Variants in SERPINI1 observed in about 807,000 individuals in gnomAD.
SERPINI1 encodes serpin family I member 1.
In SERPINI1, 19 loss-of-function variants were observed where a neutral mutation model predicts 41.1. The ratio of observed to expected loss-of-function variants is 0.46; its 90% CI spans 0.32 to 0.68. The LOEUF is 0.68. Among genes scored for constraint, SERPINI1 ranks in the 30% least tolerant of loss-of-function variants. The pLI is 0.03. For missense variants in SERPINI1, 460 were observed against 479.2 expected (o/e 0.96, Z 0.37); for synonymous variants, 138 against 156.6 (o/e 0.88, Z 0.89).
At chr3:167,788,304 T>G (rs1560008310) in intron 1 of SERPINI1, among the ~76,000 whole-genome samples, 1 of 152,192 alleles carries the variant, frequency 6.6e-6, no homozygotes, top group Non-Finnish European at 1.5e-5. Context: ...GTGGCCTTGA[T>G]GCCCTTCAAT....
intron 1 of SERPINI1, among the ~76,000 whole-genome samples, chr3:167,749,875 G>C (rs962959968): frequency 1.3e-5 from 2 of 152,162 alleles, no homozygotes; most frequent in Non-Finnish European, 2.9e-5. Context: ...CATAGGTGCC[G>C]GAAGGGTTCA....
chr3:167,816,295 C>T (rs1353647706), intron 6 of SERPINI1, among the ~76,000 whole-genome samples: 2 of 152,146 alleles, frequency 1.3e-5, no homozygotes, highest in Non-Finnish European at 2.9e-5. Flanking sequence ...ATCAGCCTGC[C>T]TCAGCCTCCC....
At chr3:167,784,483 A>C (rs1176557447) in intron 1 of SERPINI1, among the ~76,000 whole-genome samples, 1 of 152,204 alleles carries the variant, frequency 6.6e-6, no homozygotes, top group Non-Finnish European at 1.5e-5. Context: ...TCACACGGCT[A>C]TGAAGAAATA....
chr3:167,772,864 C>CTCTCTCTCTCTCTA (rs1374013676), intron 1 of SERPINI1, among the ~76,000 whole-genome samples: 41 of 24,650 alleles, frequency 1.7e-3, no homozygotes, highest in Admixed American at 2.5e-3. Flanking sequence ...CTCTCTCTCT[C>CTCTCTCTCTCTCTA]TATATATATA....
At chr3:167,809,910 T>G (rs890873005) in intron 6 of SERPINI1, among the ~76,000 whole-genome samples, 2 of 152,162 alleles carry the variant, frequency 1.3e-5, no homozygotes, top group Non-Finnish European at 2.9e-5. Flanking sequence ...ATTCAGGTTT[T>G]CAAGATCACT....
intron 5 of SERPINI1, among the ~76,000 whole-genome samples, chr3:167,798,636 A>C (rs1727791296): frequency 1.3e-5 from 2 of 152,176 alleles, no homozygotes; most frequent in African/African-American, 4.8e-5. Flanking sequence ...CTGAAAATGC[A>C]ACTTGCATTT....
At chr3:167,793,596 A>ATATATATATATT in intron 4 of SERPINI1, among the ~76,000 whole-genome samples, 1 of 140,610 alleles carries the variant, frequency 7.1e-6, no homozygotes, top group African/African-American at 2.7e-5. Context: ...ATATATATAT[A>ATATATATATATT]TTTTTAATTA....
intron 1 of SERPINI1, among the ~76,000 whole-genome samples, chr3:167,754,628 C>T (rs1726142521): frequency 2.0e-5 from 3 of 152,142 alleles, no homozygotes; most frequent in Non-Finnish European, 2.9e-5. Context: ...GGAAGTGTCA[C>T]TAATCAGATA....
chr3:167,783,987 C>G (rs1032302657), intron 1 of SERPINI1, among the ~76,000 whole-genome samples: 2 of 152,192 alleles, frequency 1.3e-5, no homozygotes, highest in African/African-American at 4.8e-5. Context: ...GGCCTGCTGC[C>G]CACTGCCCTG....
chr3:167,781,820 A>T (rs886594651), intron 1 of SERPINI1, among the ~76,000 whole-genome samples: 11 of 151,984 alleles, frequency 7.2e-5, no homozygotes, highest in African/African-American at 2.7e-4. Context: ...AAATTAGATG[A>T]ACTACCAGGG....
At chr3:167,738,898 A>G (rs998925109) in intron 1 of SERPINI1, among the ~76,000 whole-genome samples, 3 of 151,684 alleles carry the variant, frequency 2.0e-5, no homozygotes, top group Admixed American at 2.0e-4. Context: ...ACCTGTATAC[A>G]CTAACTTCTA....
At chr3:167,822,509 A>G (rs768329782) in intron 6 of SERPINI1, among the ~76,000 whole-genome samples, 11 of 152,196 alleles carry the variant, frequency 7.2e-5, no homozygotes, top group Non-Finnish European at 1.6e-4. Context: ...TTATGAATCT[A>G]GAAGTCAATT....
chr3:167,781,325 G>A (rs1727118276), intron 1 of SERPINI1, among the ~76,000 whole-genome samples: 1 of 151,978 alleles, frequency 6.6e-6, no homozygotes, highest in Non-Finnish European at 1.5e-5. Context: ...AAAAAACAAA[G>A]TAGTAATTTT....
chr3:167,794,414 AT>A (rs890206402), intron 4 of SERPINI1, among the ~76,000 whole-genome samples: 2 of 150,914 alleles, frequency 1.3e-5, no homozygotes, highest in Non-Finnish European at 3.0e-5. Flanking sequence ...CTTTTTATTT[AT>A]TTTTTTTTAG....
At chr3:167,746,703 C>T (rs903764391) in intron 1 of SERPINI1, among the ~76,000 whole-genome samples, 6 of 152,144 alleles carry the variant, frequency 3.9e-5, no homozygotes, top group African/African-American at 1.4e-4. Flanking sequence ...CCACAGTGAG[C>T]TACTACTTCA....
At chr3:167,753,019 G>A (rs1203069362) in intron 1 of SERPINI1, among the ~76,000 whole-genome samples, 2 of 152,154 alleles carry the variant, frequency 1.3e-5, no homozygotes, top group African/African-American at 4.8e-5. Flanking sequence ...TTTAATGCAT[G>A]TGTGTTCGTT....
chr3:167,824,941 G>A (rs1327512362), intron 8 of SERPINI1, among the ~76,000 whole-genome samples: 1 of 152,038 alleles, frequency 6.6e-6, no homozygotes, highest in African/African-American at 2.4e-5. Flanking sequence ...AGCTACTAGA[G>A]GTGTTGGGGG....
chr3:167,757,508 T>A (rs1325964383), intron 1 of SERPINI1, among the ~76,000 whole-genome samples: 13 of 151,102 alleles, frequency 8.6e-5, no homozygotes, highest in South Asian at 2.1e-4. Flanking sequence ...TCTCTCTCTC[T>A]CTCACACACA....
At chr3:167,805,956 G>A (rs1227045270) in intron 5 of SERPINI1, among the ~76,000 whole-genome samples, 1 of 151,924 alleles carries the variant, frequency 6.6e-6, no homozygotes, top group Non-Finnish European at 1.5e-5. Flanking sequence ...ATTTGACCCA[G>A]CAATCCCATT....
Sources: gnomAD v4.1 joint callset for allele counts (sites outside exome capture counted in the v4.1 genomes callset) on GRCh38, gnomAD v4.1.1 for gene constraint, MANE v1.5 for transcripts, NCBI Gene and HGNC (gene_info 2026-07-23, HGNC 2026-07-21) for gene names.